The following BMPR1B variants were observed in gnomAD, a reference collection of about 807,000 sequenced individuals.
BMPR1B encodes the protein bone morphogenetic protein receptor type-1B.
In BMPR1B, 12 loss-of-function variants were observed where a neutral mutation model predicts 59.1. That is an observed-to-expected ratio of 0.20 (90% CI 0.13 to 0.33). The LOEUF is 0.33. Ranked by LOEUF, BMPR1B falls within the 10% of genes least tolerant of loss-of-function variation. The pLI is 1.00. For synonymous variants in BMPR1B, 237 were observed against 207.3 expected, an observed-to-expected ratio of 1.14 and a Z score of -1.23; for missense variants, 550 against 610.9, an observed-to-expected ratio of 0.90 and a Z score of 1.05.
chr4:95,101,154 AT>A (rs1356044208), intron 3 of BMPR1B, among the ~76,000 whole-genome samples: 2 of 152,116 alleles, frequency 1.3e-5, no homozygotes, highest in African/African-American at 4.8e-5. Context: ...ACCTGGTCAA[AT>A]TACCCAGTAA....
At chr4:95,066,315 A>G (rs750385072) in intron 3 of BMPR1B, among the ~76,000 whole-genome samples, 2 of 152,218 alleles carry the variant, frequency 1.3e-5, no homozygotes, top group African/African-American at 2.4e-5. Flanking sequence ...ACATAGACAT[A>G]ACATAAGCAT....
chr4:94,810,851 T>A (rs1009505585), intron 1 of BMPR1B, among the ~76,000 whole-genome samples: 16 of 152,192 alleles, frequency 1.1e-4, no homozygotes, highest in African/African-American at 3.9e-4. Context: ...TTAGATTAGT[T>A]TGGCATGATT....
At chr4:94,879,627 A>G (rs139043368) in intron 2 of BMPR1B, among the ~76,000 whole-genome samples, 1,703 of 152,280 alleles carry the variant, frequency 0.011, 32 homozygotes, top group African/African-American at 0.039. Flanking sequence ...ATAAAAATAA[A>G]TAAAATACAT....
At chr4:94,988,344 A>G (rs181343402) in intron 2 of BMPR1B, among the ~76,000 whole-genome samples, 21 of 152,228 alleles carry the variant, frequency 1.4e-4, no homozygotes, top group South Asian at 2.1e-4. Context: ...CAACAACTAT[A>G]ACAAAAATAA....
At chr4:95,042,518 A>AT (rs1725733596) in intron 3 of BMPR1B, among the ~76,000 whole-genome samples, 2 of 152,242 alleles carry the variant, frequency 1.3e-5, no homozygotes, top group South Asian at 4.1e-4. Flanking sequence ...CTTGGGTCCC[A>AT]TCCCCAAGAT....
At chr4:94,919,098 C>T (rs1461099432) in intron 2 of BMPR1B, among the ~76,000 whole-genome samples, 1 of 152,050 alleles carries the variant, frequency 6.6e-6, no homozygotes, top group Non-Finnish European at 1.5e-5. Context: ...GTTATTTCTT[C>T]TTCTTGTTTC....
Position 95,022,948 on chromosome 4 carries a change from G to A in BMPR1B, c.-18+26814G>A, listed in dbSNP as rs146489643. ...CAATAATGCCTTGGTGTTCAGGTTAGATGTAAATGAAAGCCACCCTGTTAG... is the reference window on the plus strand; with the variant it reads ...CAATAATGCCTTGGTGTTCAGGTTAAATGTAAATGAAAGCCACCCTGTTAG... On this transcript the variant is annotated intron_variant, in intron 3 of 12. Coordinates refer to ENST00000515059, the MANE Select transcript of BMPR1B (RefSeq NM_001203.3). 5.5e-3 allele frequency among the ~76,000 whole-genome samples: 838 copies of A among 152,268 alleles called. 5 individuals carry two copies. The highest frequency in any genetic ancestry group is 0.019 in the African/African-American group (800 of 41,550).
rs570190649 is a variant in BMPR1B, at chr4:94,970,607, C to T, written c.-112-25433C>T. 2.1e-4 allele frequency among the ~76,000 whole-genome samples: 32 copies of T among 152,210 alleles called. No individual in the cohort carries two copies. The East Asian group carries it at 6.2e-3, about 29-fold the overall frequency. On this transcript the variant is annotated intron_variant, in intron 2 of 12. Coordinates refer to ENST00000515059, the MANE Select transcript of BMPR1B (RefSeq NM_001203.3). ...GGATTACAGGCATGAACCACCACACCCGGCCTGTTCATTTCTGTTTTAAAG... is the reference window on the plus strand; with the variant it reads ...GGATTACAGGCATGAACCACCACACTCGGCCTGTTCATTTCTGTTTTAAAG...
intron 1 of BMPR1B, among the ~76,000 whole-genome samples, chr4:94,834,941 TG>T (rs1186220334): frequency 1.4e-5 from 2 of 147,222 alleles, no homozygotes; most frequent in African/African-American, 5.1e-5. Flanking sequence ...TGTGTTTCTT[TG>T]TTTTTTTTTT....
At chr4:94,905,548 C>G (rs1728003896) in intron 2 of BMPR1B, among the ~76,000 whole-genome samples, 2 of 151,904 alleles carry the variant, frequency 1.3e-5, no homozygotes, top group Non-Finnish European at 2.9e-5. Context: ...TTTTTGACTA[C>G]TCAGATCTTA....
At chr4:94,990,995 A>G (rs1480730807) in intron 2 of BMPR1B, among the ~76,000 whole-genome samples, 1 of 152,184 alleles carries the variant, frequency 6.6e-6, no homozygotes, top group Non-Finnish European at 1.5e-5. Context: ...AATAGAATTT[A>G]TATACCATAA....
At chr4:94,853,753 T>G (rs1456504003) in intron 1 of BMPR1B, among the ~76,000 whole-genome samples, 1 of 152,126 alleles carries the variant, frequency 6.6e-6, no homozygotes, top group Non-Finnish European at 1.5e-5. Flanking sequence ...CACCCTCCAT[T>G]TCTCCAAATC....
intron 1 of BMPR1B, among the ~76,000 whole-genome samples, chr4:94,818,949 T>C (rs1315631980): frequency 6.6e-6 from 1 of 152,052 alleles, no homozygotes; most frequent in East Asian, 1.9e-4. Context: ...CTGAGCAATA[T>C]GGCAAGATCC....
At chr4:94,964,325 G>C (rs1441353682) in intron 2 of BMPR1B, among the ~76,000 whole-genome samples, 1 of 151,828 alleles carries the variant, frequency 6.6e-6, no homozygotes, top group Non-Finnish European at 1.5e-5. Context: ...TCTTTCTCTT[G>C]TCTAATTGCT....
chr4:95,058,753 T>G (rs1727118834), intron 3 of BMPR1B, among the ~76,000 whole-genome samples: 1 of 152,226 alleles, frequency 6.6e-6, no homozygotes, highest in Admixed American at 6.5e-5. Context: ...TTACCTTTAT[T>G]TTCTCTCTAA....
intron 1 of BMPR1B, among the ~76,000 whole-genome samples, chr4:94,851,737 AAGG>A (rs1330304292): frequency 8.5e-5 from 13 of 152,216 alleles, no homozygotes; most frequent in African/African-American, 2.6e-4. Context: ...TATGCAAACA[AAGG>A]AGTCAGTTGA....
chr4:95,067,810 G>A (rs1158048977), intron 3 of BMPR1B, among the ~76,000 whole-genome samples: 1 of 152,080 alleles, frequency 6.6e-6, no homozygotes, highest in Non-Finnish European at 1.5e-5. Context: ...GAAATGCCCT[G>A]TGGATTTAAG....
At chr4:94,797,052 A>C (rs1324552892) in intron 1 of BMPR1B, among the ~76,000 whole-genome samples, 1 of 152,214 alleles carries the variant, frequency 6.6e-6, no homozygotes, top group African/African-American at 2.4e-5. Flanking sequence ...AATTGGACTT[A>C]CAGTTCCACA....
chr4:94,973,603 G>A (rs754222500), intron 2 of BMPR1B, among the ~76,000 whole-genome samples: 7 of 152,152 alleles, frequency 4.6e-5, no homozygotes, highest in Non-Finnish European at 1.0e-4. Context: ...ATAGGGCAGG[G>A]TGGGGCCATG....
Sources: allele counts gnomAD v4.1 joint callset (sites outside exome capture counted in the v4.1 genomes callset), GRCh38; gene constraint gnomAD v4.1.1; transcripts MANE v1.5; gene names NCBI Gene and HGNC (gene_info 2026-07-23, HGNC 2026-07-21).